The following CSMD3 variants were observed in gnomAD, a reference collection of about 807,000 sequenced individuals.
CSMD3 encodes the protein CUB and sushi domain-containing protein 3.
In CSMD3, 177 loss-of-function variants were observed where a neutral mutation model predicts 435.2. That is an observed-to-expected ratio of 0.41 (90% CI 0.36 to 0.46). CSMD3 has a LOEUF of 0.46. CSMD3 is among the 20% of genes least tolerant of loss of function. The pLI is 0.34. For missense variants in CSMD3, 4,265 were observed against 4,504.6 expected (o/e 0.95, Z 1.52); for synonymous variants, 1,656 against 1,520.5 (o/e 1.09, Z -2.07).
chr8:112,888,685 C>T (rs1244989043), intron 10 of CSMD3, among the ~76,000 whole-genome samples: 5 of 151,620 alleles, frequency 3.3e-5, no homozygotes, highest in Non-Finnish European at 7.4e-5. Flanking sequence ...TCGTTCATAT[C>T]GCTTTGTAGG....
At chr8:113,273,124 T>G (rs1485348340) in intron 3 of CSMD3, among the ~76,000 whole-genome samples, 1 of 152,010 alleles carries the variant, frequency 6.6e-6, no homozygotes, top group Admixed American at 6.6e-5. Flanking sequence ...ATATACCCTA[T>G]AAATATGTAT....
intron 2 of CSMD3, among the ~76,000 whole-genome samples, chr8:113,304,640 C>A (rs1210114947): frequency 8.3e-6 from 1 of 119,968 alleles, no homozygotes; most frequent in African/African-American, 3.2e-5. Context: ...TGGAAACCAT[C>A]ATTCTCAGTA....
At position 112,809,567 on chromosome 8, in the gene CSMD3, C is replaced by T. The variant is rs76071735; in HGVS notation, c.1860-9293G>A. On this transcript the variant is annotated intron_variant, in intron 12 of 70. Transcript: ENST00000297405. ...ATTATTTCAATTACTTTAAGAACCACATTTTATTAAAAAAATGTTATTTGT... is the reference window on the plus strand; with the variant it reads ...ATTATTTCAATTACTTTAAGAACCATATTTTATTAAAAAAATGTTATTTGT... Among the ~76,000 whole-genome samples, 979 of 152,250 alleles carry T rather than the reference C, an allele frequency of 6.4e-3. 19 individuals carry two copies. In the East Asian group the frequency reaches 0.074, roughly 12 times the overall value.
In CSMD3 at chr8:113,102,998, T is replaced by G. The variant is rs1481397405; in HGVS notation, c.710-4035A>C. Among the ~76,000 whole-genome samples, 3 of 152,134 alleles carry G rather than the reference T, an allele frequency of 2.0e-5. No homozygotes were observed. The South Asian group carries it at 6.2e-4, about 31-fold the overall frequency. ...GGCTGAATCAAGAGTCCACGCAAAT[T>G]CTTGCATGCTTCATTGCTGCCTAAA... On this transcript the variant is annotated intron_variant, in intron 4 of 70. Coordinates refer to ENST00000297405, the MANE Select transcript of CSMD3 (RefSeq NM_198123.2).
chr8:112,408,752 C>T (rs1351642668), intron 33 of CSMD3, among the ~76,000 whole-genome samples, 167 bp downstream of exon 33: 2 of 151,520 alleles, frequency 1.3e-5, no homozygotes, highest in East Asian at 1.9e-4. Flanking sequence ...TTTTCTCAAC[C>T]TTCTGAGTTA....
chr8:112,749,665 G>A (rs1371239838), intron 13 of CSMD3, among the ~76,000 whole-genome samples: 2 of 152,082 alleles, frequency 1.3e-5, no homozygotes, highest in South Asian at 4.2e-4. Flanking sequence ...CAGCACTGTG[G>A]CCTAAGTGAT....
At chr8:112,940,050 A>G (rs1564128189) in intron 9 of CSMD3, among the ~76,000 whole-genome samples, 1 of 151,932 alleles carries the variant, frequency 6.6e-6, no homozygotes, top group Non-Finnish European at 1.5e-5. Context: ...AATTACCAAA[A>G]TAAGATTTAT....
intron 28 of CSMD3, among the ~76,000 whole-genome samples, chr8:112,511,143 T>C (rs1242788242): frequency 2.0e-5 from 3 of 152,174 alleles, no homozygotes; most frequent in Non-Finnish European, 2.9e-5. Flanking sequence ...TCCAAGTCCA[T>C]ATAAAAGTTA....
At chr8:113,194,718 A>G (rs2092630863) in intron 3 of CSMD3, among the ~76,000 whole-genome samples, 1 of 151,268 alleles carries the variant, frequency 6.6e-6, no homozygotes, top group South Asian at 2.1e-4. Flanking sequence ...TAAAAAGTAA[A>G]GTTTTTTAAA....
chr8:112,435,691 A>C (rs1413409783), intron 32 of CSMD3, among the ~76,000 whole-genome samples: 1 of 152,026 alleles, frequency 6.6e-6, no homozygotes, highest in Non-Finnish European at 1.5e-5. Flanking sequence ...CTAAGACAAA[A>C]ACACAGATGG....
chr8:113,302,395 T>C (rs1404549540), intron 2 of CSMD3, among the ~76,000 whole-genome samples: 1 of 148,652 alleles, frequency 6.7e-6, no homozygotes, highest in Non-Finnish European at 1.5e-5. Context: ...ATGAATAGCC[T>C]GACAGAGTAT....
rs1814498878 is a variant in CSMD3, at chr8:112,244,456, C to T, written c.10340G>A (p.Gly3447Glu). The T allele has an allele frequency of 6.2e-7, 1 of 1,613,784 alleles. No homozygotes were observed. The highest frequency in any genetic ancestry group is 1.3e-5 in the African/African-American group (1 of 74,904). Residue 3447 changes from glycine to glutamate, a missense_variant, in exon 65 of 71, where the codon GGA becomes GAA. This residue lies in a region of CSMD3 where 3,255 missense variants were observed against 3,380.2 expected (regional missense o/e 0.96). Coordinates refer to ENST00000297405, the MANE Select transcript of CSMD3 (RefSeq NM_198123.2). The stretch of plus-strand genomic sequence containing the variant: ...GGATCTACACACTCTATGTTCTGTT[C>T]CACCTGCTAAGAAGAAGCCAGGCTG... ...TCQPGFFLAG[G>E]TEHRVCRSDN...
chr8:112,403,723 T>C (rs1262189699), intron 35 of CSMD3, among the ~76,000 whole-genome samples: 1 of 151,120 alleles, frequency 6.6e-6, no homozygotes, highest in African/African-American at 2.4e-5. Flanking sequence ...TACCCCCACA[T>C]GGGGGATTAG....
At chr8:112,752,762 G>C (rs1415526745) in intron 13 of CSMD3, among the ~76,000 whole-genome samples, 1 of 152,086 alleles carries the variant, frequency 6.6e-6, no homozygotes, top group African/African-American at 2.4e-5. Context: ...ATACAAAATA[G>C]AGATGTATCT....
intron 13 of CSMD3, among the ~76,000 whole-genome samples, chr8:112,765,318 T>C (rs2077950164): frequency 6.6e-6 from 1 of 151,540 alleles, no homozygotes; most frequent in African/African-American, 2.4e-5. Flanking sequence ...GAATTTGGAT[T>C]TGAGAAATAC....
intron 32 of CSMD3, among the ~76,000 whole-genome samples, chr8:112,434,070 C>G (rs2095444090): frequency 6.6e-6 from 1 of 152,014 alleles, no homozygotes; most frequent in Middle Eastern, 3.2e-3. Context: ...CCAAAACAAA[C>G]TTGGAGGTGT....
chr8:113,431,894 GA>G (rs1444791066), intron 1 of CSMD3, among the ~76,000 whole-genome samples: 1 of 152,044 alleles, frequency 6.6e-6, no homozygotes, highest in Non-Finnish European at 1.5e-5. Flanking sequence ...TGTGTTTAGG[GA>G]AAAGACGCGT....
intron 32 of CSMD3, among the ~76,000 whole-genome samples, chr8:112,450,340 C>G (rs1219154148): frequency 6.6e-6 from 1 of 152,114 alleles, no homozygotes; most frequent in Non-Finnish European, 1.5e-5. Context: ...AATTAATATA[C>G]AGAATGGTGT....
chr8:112,379,845 C>G (rs1829308018), intron 38 of CSMD3, among the ~76,000 whole-genome samples: 1 of 152,236 alleles, frequency 6.6e-6, no homozygotes, highest in Non-Finnish European at 1.5e-5. Flanking sequence ...CCAGATGAAC[C>G]TGGAGGACAT....
Sources: allele counts gnomAD v4.1 joint callset (sites outside exome capture counted in the v4.1 genomes callset), GRCh38; gene constraint gnomAD v4.1.1; regional missense constraint gnomAD v4.1.1; transcripts MANE v1.5; gene names NCBI Gene and HGNC (gene_info 2026-07-23, HGNC 2026-07-21).